AP3D1: variants seen among roughly 807,000 people sequenced by gnomAD.
AP3D1 encodes the protein AP-3 complex subunit delta-1.
A neutral mutation model predicts 147.6 loss-of-function variants in AP3D1; 51 were observed. That is an observed-to-expected ratio of 0.35 (90% confidence interval 0.28 to 0.44). The LOEUF is 0.44. Among genes scored for constraint, AP3D1 ranks in the 20% least tolerant of loss-of-function variants. The pLI, the probability that AP3D1 is intolerant of heterozygous loss-of-function variation, is 1.00. For missense variants in AP3D1, 1,421 were observed against 1,624.2 expected (o/e 0.87, Z 2.15); for synonymous variants, 760 against 663.0 (o/e 1.15, Z -2.25).
intron 1 of AP3D1, among the ~76,000 whole-genome samples, chr19:2,158,299 G>A (rs754699371): frequency 4.6e-5 from 7 of 150,724 alleles, no homozygotes; most frequent in Non-Finnish European, 7.4e-5. Flanking sequence ...CTTGTGATCC[G>A]CCCACCTCGG....
At chr19:2,112,752 G>A (rs1316667343) in intron 24 of AP3D1, 108 bp downstream of exon 24, 1 of 793,146 alleles carries the variant, frequency 1.3e-6, no homozygotes, top group South Asian at 1.9e-5. Context: ...ACAAATGCGA[G>A]AGCAGGGCTG....
chr19:2,136,919 G>GT, intron 4 of AP3D1, 92 bp downstream of exon 4: 2 of 1,228,772 alleles, frequency 1.6e-6, no homozygotes, highest in Non-Finnish European at 2.3e-6. Flanking sequence ...ACAGGCACCT[G>GT]CTGCCCACAG....
At chr19:2,138,551 T>A in intron 2 of AP3D1, 68 bp downstream of exon 2, 1 of 1,193,620 alleles carries the variant, frequency 8.4e-7, no homozygotes, top group Non-Finnish European at 1.2e-6. Flanking sequence ...GGCTGATGAA[T>A]AGGGGACACG....
rs1221511924 is a variant in AP3D1, at chr19:2,121,729, C to T, written c.1101+5G>A. On this transcript the variant is annotated splice_donor_5th_base_variant and intron_variant, in intron 12 of 31. Transcript: ENST00000643116. ...GCGGGCGGGCGGCGGACAGAGGGCA[C>T]GCACCATCCCATAGAGCAGGTCCAG... is the stretch of plus-strand genomic sequence containing the variant. 1.9e-6 allele frequency: 3 copies of T among 1,588,246 alleles called. No individual in the cohort carries two copies. Among genetic ancestry groups the T allele is most frequent in the Non-Finnish European group, 2.6e-6 (3 of 1,169,126 alleles).
In AP3D1 at chr19:2,114,775, T is replaced by G; in HGVS notation, c.2396A>C (p.Tyr799Ser). 6.2e-7 allele frequency: 1 copy of G among 1,613,900 alleles called. No homozygotes were observed. Among genetic ancestry groups the G allele is most frequent in the Non-Finnish European group, 8.5e-7 (1 of 1,179,840 alleles). ...ATCCAGGTCAATATCCAGAGCCCTG[T>G]AGGGGTCGTTGGGGTCTTTGTCATC... The part of the protein sequence containing the change: ...DEDDKDPNDP[Y>S]RALDIDLDKP... The change falls in exon 21 of 32, where the codon TAC becomes TCC. Residue 799 changes from tyrosine (Y) to serine (S), a missense_variant. Transcript: ENST00000643116.
At chr19:2,136,126 G>A (rs1449250783) in intron 4 of AP3D1, among the ~76,000 whole-genome samples, 8 of 152,112 alleles carry the variant, frequency 5.3e-5, no homozygotes, top group African/African-American at 1.9e-4. Context: ...AGAGCCCCAC[G>A]GCATCTAGGG....
intron 4 of AP3D1, among the ~76,000 whole-genome samples, chr19:2,134,774 T>C (rs111320386): frequency 0.049 from 7,468 of 151,320 alleles, 624 homozygotes; most frequent in African/African-American, 0.17. Flanking sequence ...GCTAATTTTG[T>C]ATTTTTAGTA....
intron 24 of AP3D1, 191 bp from the exon 25 acceptor site, chr19:2,112,019 G>C: frequency 3.4e-6 from 3 of 886,650 alleles, no homozygotes; most frequent in Non-Finnish European, 5.0e-6. Context: ...GGAGGCTGGG[G>C]CCGTCTCTGG....
chr19:2,145,032 GTAA>G (rs2019321198), intron 1 of AP3D1, among the ~76,000 whole-genome samples: 1 of 152,218 alleles, frequency 6.6e-6, no homozygotes, highest in African/African-American at 2.4e-5. Context: ...CTGCACGTTT[GTAA>G]ATATACTGAA....
At chr19:2,161,962 T>A (rs897705711) in intron 1 of AP3D1, among the ~76,000 whole-genome samples, 6 of 145,238 alleles carry the variant, frequency 4.1e-5, no homozygotes, top group Non-Finnish European at 7.6e-5. Context: ...AATAAATAAA[T>A]AAATAAAAAG....
intron 5 of AP3D1, 58 bp from the exon 6 acceptor site, chr19:2,130,595 C>A (rs2018912665): frequency 1.2e-6 from 2 of 1,600,216 alleles, no homozygotes; most frequent in Non-Finnish European, 1.7e-6. Context: ...CCTGCTCTCG[C>A]CCCTCCCAGC....
intron 1 of AP3D1, among the ~76,000 whole-genome samples, chr19:2,159,305 G>A (rs539541050): frequency 1.4e-4 from 20 of 145,230 alleles, no homozygotes; most frequent in African/African-American, 1.8e-4. Context: ...TACAACCTCC[G>A]CCTCCCAGGT....
chr19:2,160,414 C>T (rs932754490), intron 1 of AP3D1, among the ~76,000 whole-genome samples: 2 of 151,980 alleles, frequency 1.3e-5, no homozygotes, highest in Admixed American at 1.3e-4. Context: ...CTGTAATCCC[C>T]GCTACTCGGG....
chr19:2,107,357 G>A (rs997464079), intron 31 of AP3D1, among the ~76,000 whole-genome samples: 2 of 151,996 alleles, frequency 1.3e-5, no homozygotes, highest in African/African-American at 4.8e-5. Context: ...GCAGAGAAGC[G>A]AAAGAAACAC....
rs1384546041 is a variant in AP3D1, at chr19:2,117,202, C to T, written c.1859+20G>A. 9 of 1,575,160 alleles carry T rather than the reference C, an allele frequency of 5.7e-6. No individual in the cohort carries two copies. The highest frequency in any genetic ancestry group is 1.7e-4 in the Middle Eastern group (1 of 5,878). On this transcript the variant is annotated intron_variant, in intron 16 of 31. Coordinates refer to ENST00000643116, the MANE Select transcript of AP3D1 (RefSeq NM_001261826.3). Reference sequence around the variant, plus strand: ...CATGTCAGGGCCATGGTTGCAATGCCCCCACCCCCGTATCCTTACCCTTCG... The same window carrying T: ...CATGTCAGGGCCATGGTTGCAATGCTCCCACCCCCGTATCCTTACCCTTCG...
chr19:2,151,011 G>C (rs1350851011), intron 1 of AP3D1, among the ~76,000 whole-genome samples: 1 of 152,282 alleles, frequency 6.6e-6, no homozygotes, highest in South Asian at 2.1e-4. Flanking sequence ...GAGGATCCGA[G>C]ATGTGCTGCT....
chr19:2,102,154 C>G lies in AP3D1; in HGVS notation c.*19G>C, dbSNP rs779300700. 2.5e-6 allele frequency: 4 copies of G among 1,602,126 alleles called. No individual in the cohort carries two copies. Among genetic ancestry groups the G allele is most frequent in the Non-Finnish European group, 3.4e-6 (4 of 1,170,594 alleles). ...TGGGTACGTGCTCCGCGGGGTGGTG[C>G]GGGGCTCGCAGGCAGCTCTCAACAC... On this transcript the variant is annotated 3_prime_UTR_variant, in exon 32 of 32. Transcript: ENST00000643116.
rs184846617 is a variant in AP3D1 at position 2,141,104 on chromosome 19, T to C, written c.97-2390A>G. Among the ~76,000 whole-genome samples the C allele has an allele frequency of 9.7e-4, 148 of 152,206 alleles. 1 individual carries two copies. The highest frequency in any genetic ancestry group is 1.8e-3 in the Non-Finnish European group (121 of 68,010). On this transcript the variant is annotated intron_variant, in intron 1 of 31. Transcript: ENST00000643116. The stretch of plus-strand genomic sequence containing the variant: ...TTAGTTGGGGTAGGGAGACATGACC[T>C]AGACCCAAAAGATTATATTATAAAC...
intron 24 of AP3D1, 86 bp downstream of exon 24, chr19:2,112,774 G>A (rs1359683039): frequency 5.7e-6 from 6 of 1,054,482 alleles, no homozygotes; most frequent in Admixed American, 4.9e-5. Context: ...CCTGGGACCT[G>A]GGTGGCGGAA....
Sources: allele counts gnomAD v4.1 joint callset (sites outside exome capture counted in the v4.1 genomes callset), GRCh38; gene constraint gnomAD v4.1.1; transcripts MANE v1.5; gene names NCBI Gene and HGNC (gene_info 2026-07-23, HGNC 2026-07-21).